The following CDH8 variants were observed in gnomAD, a reference collection of about 807,000 sequenced individuals.
The protein encoded by CDH8 is cadherin-8.
Under a neutral mutation model 68.1 loss-of-function variants are expected in CDH8, and 17 were observed. The observed-to-expected ratio is 0.25, with a 90% CI of 0.17 to 0.37. The LOEUF is 0.37. Among genes scored for constraint, CDH8 ranks in the 10% least tolerant of loss-of-function variants. The pLI, the probability that CDH8 is intolerant of heterozygous loss-of-function variation, is 1.00. For missense variants in CDH8, 763 were observed against 999.3 expected, an observed-to-expected ratio of 0.76 and a Z score of 3.19; for synonymous variants, 372 against 365.1, an observed-to-expected ratio of 1.02 and a Z score of -0.21.
intron 2 of CDH8, among the ~76,000 whole-genome samples, chr16:62,007,269 C>A (rs990973589): frequency 1.3e-5 from 2 of 152,148 alleles, no homozygotes; most frequent in Admixed American, 6.5e-5. Flanking sequence ...ACCCATATAC[C>A]TTTTCTACCT....
intron 2 of CDH8, among the ~76,000 whole-genome samples, chr16:61,999,323 T>G (rs1965854691): frequency 6.6e-6 from 1 of 152,172 alleles, no homozygotes; most frequent in South Asian, 2.1e-4. Flanking sequence ...ACCACTAATT[T>G]TGCTAGGGTT....
At chr16:61,691,820 T>C (rs530738803) in intron 10 of CDH8, 2 of 152,228 alleles carry the variant, frequency 1.3e-5, no homozygotes, top group South Asian at 2.1e-4. Flanking sequence ...TGCACGACTT[T>C]TATGTATTTA....
chr16:61,960,021 C>CACAACATATATGTATGTATGTGTGTATGT (rs1965076373), intron 2 of CDH8, among the ~76,000 whole-genome samples: 1 of 35,352 alleles, frequency 2.8e-5, no homozygotes, highest in African/African-American at 1.3e-4. Context: ...TATATACACA[C>CACAACATATATGTATGTATGTGTGTATGT]ATACACACAC....
At chr16:61,751,920 A>G (rs185435490) in intron 8 of CDH8, among the ~76,000 whole-genome samples, 454 of 152,212 alleles carry the variant, frequency 3.0e-3, no homozygotes, top group Non-Finnish European at 5.5e-3. Context: ...TTATTCCTGG[A>G]TTACCTATTC....
At chr16:61,832,351 G>C (rs900004743) in intron 4 of CDH8, among the ~76,000 whole-genome samples, 3 of 147,988 alleles carry the variant, frequency 2.0e-5, no homozygotes, top group African/African-American at 7.8e-5. Flanking sequence ...TAGATAGATA[G>C]ATAGATAGAT....
intron 8 of CDH8, among the ~76,000 whole-genome samples, chr16:61,740,854 CTA>C (rs1296592262): frequency 1.3e-5 from 2 of 152,008 alleles, no homozygotes; most frequent in Non-Finnish European, 2.9e-5. Flanking sequence ...TAAATATTTT[CTA>C]TATGTCTTCT....
chr16:62,018,686 C>A (rs570356279), intron 2 of CDH8, among the ~76,000 whole-genome samples: 3 of 152,144 alleles, frequency 2.0e-5, no homozygotes, highest in Non-Finnish European at 2.9e-5. Context: ...GAAAAGTTTT[C>A]CAGAAAATAA....
chr16:61,966,420 C>G (rs1047367288), intron 2 of CDH8, among the ~76,000 whole-genome samples: 1 of 152,016 alleles, frequency 6.6e-6, no homozygotes, highest in Non-Finnish European at 1.5e-5. Flanking sequence ...CGCCTGTAGT[C>G]CCAGCTACTT....
At chr16:61,847,908 A>AACACAC (rs142042812) in intron 4 of CDH8, among the ~76,000 whole-genome samples, 1 of 150,322 alleles carries the variant, frequency 6.7e-6, no homozygotes, top group Non-Finnish European at 1.5e-5. Context: ...CACACAGACA[A>AACACAC]ACACACACAC....
intron 8 of CDH8, chr16:61,743,518 C>T (rs1336521865): frequency 6.6e-6 from 1 of 152,104 alleles, no homozygotes; most frequent in South Asian, 2.1e-4. Context: ...TGTAGCAATG[C>T]TTCCTTCTTC....
At chr16:61,765,848 C>T (rs1029351612) in intron 8 of CDH8, among the ~76,000 whole-genome samples, 1 of 151,886 alleles carries the variant, frequency 6.6e-6, no homozygotes, top group African/African-American at 2.4e-5. Flanking sequence ...CCTGCCATGA[C>T]TCCATGTGAT....
intron 2 of CDH8, among the ~76,000 whole-genome samples, chr16:61,948,382 T>C (rs1467742188): frequency 2.0e-5 from 3 of 152,150 alleles, no homozygotes; most frequent in African/African-American, 7.2e-5. Flanking sequence ...TCCCCAATAG[T>C]AGACACACTA....
chr16:61,801,795 C>T (rs1016274044), intron 7 of CDH8, among the ~76,000 whole-genome samples: 1 of 152,272 alleles, frequency 6.6e-6, no homozygotes, highest in Non-Finnish European at 1.5e-5. Flanking sequence ...TTATATCCCA[C>T]ACCTGGCTCG....
At chr16:61,943,738 G>A (rs1362908150) in intron 2 of CDH8, among the ~76,000 whole-genome samples, 2 of 152,160 alleles carry the variant, frequency 1.3e-5, no homozygotes, top group African/African-American at 4.8e-5. Context: ...ATCTAATGCA[G>A]ATAGTAGAAC....
rs1371363975 is a variant in CDH8, at chr16:61,958,580, C to A, written c.253-57107G>T. Among the ~76,000 whole-genome samples, 3 of 152,152 alleles carry A rather than the reference C, an allele frequency of 2.0e-5. No homozygotes were observed. The East Asian group carries it at 5.8e-4, about 29-fold the overall frequency. The stretch of plus-strand genomic sequence containing the variant: ...AGGTTAGAAGGGTGGGCTCTGGAGT[C>A]AAATTTCTCTAAAGCCTCCTGGCTG... On this transcript the variant is annotated intron_variant, in intron 2 of 11. Coordinates refer to ENST00000577390, the MANE Select transcript of CDH8 (RefSeq NM_001796.5).
At chr16:61,699,167 T>C (rs1964377807) in intron 10 of CDH8, among the ~76,000 whole-genome samples, 1 of 152,168 alleles carries the variant, frequency 6.6e-6, no homozygotes, top group African/African-American at 2.4e-5. Context: ...TTCTGTACCA[T>C]TTGCTCATTC....
At chr16:61,801,631 G>A (rs1031834184) in intron 7 of CDH8, among the ~76,000 whole-genome samples, 4 of 152,220 alleles carry the variant, frequency 2.6e-5, no homozygotes, top group African/African-American at 9.6e-5. Flanking sequence ...AGCCAAAGCA[G>A]GGCGAGGCAT....
intron 10 of CDH8, among the ~76,000 whole-genome samples, chr16:61,668,707 A>G (rs1364704210): frequency 6.6e-6 from 1 of 151,416 alleles, no homozygotes. Flanking sequence ...CCTTTAGTGG[A>G]ATTTCTTGTG....
chr16:61,731,131 C>A (rs764470199), intron 8 of CDH8, among the ~76,000 whole-genome samples: 15 of 151,540 alleles, frequency 9.9e-5, no homozygotes, highest in Non-Finnish European at 1.8e-4. Flanking sequence ...GGCCTTGAAG[C>A]AGAAAGTTCC....
Sources: gnomAD v4.1 joint callset for allele counts (sites outside exome capture counted in the v4.1 genomes callset) on GRCh38, gnomAD v4.1.1 for gene constraint, MANE v1.5 for transcripts, NCBI Gene and HGNC (gene_info 2026-07-23, HGNC 2026-07-21) for gene names.